BRINP3: variants seen among roughly 807,000 people sequenced by gnomAD.
The protein encoded by BRINP3 is BMP/retinoic acid inducible neural specific 3.
Under a neutral mutation model 71.0 loss-of-function variants are expected in BRINP3, and 19 were observed. That is an observed-to-expected ratio of 0.27 (90% confidence interval 0.19 to 0.39). The LOEUF (loss-of-function observed/expected upper bound fraction) is 0.39. Ranked by LOEUF, BRINP3 falls within the 10% of genes least tolerant of loss-of-function variation. BRINP3 has a pLI of 1.00. For missense variants in BRINP3, 959 were observed against 940.8 expected (o/e 1.02, Z -0.25); for synonymous variants, 380 against 337.7 (o/e 1.13, Z -1.37).
At chr1:190,159,682 G>A (rs147581689) in intron 7 of BRINP3, among the ~76,000 whole-genome samples, 1 of 152,114 alleles carries the variant, frequency 6.6e-6, no homozygotes, top group East Asian at 1.9e-4. Flanking sequence ...AACAGCCTTG[G>A]ACTGGGTGAA....
chr1:190,403,706 T>C (rs1448136949), intron 2 of BRINP3, among the ~76,000 whole-genome samples: 1 of 152,162 alleles, frequency 6.6e-6, no homozygotes, highest in Non-Finnish European at 1.5e-5. Context: ...AGCGACTTTG[T>C]AGATAAATTG....
At chr1:190,321,436 G>T (rs1282762563) in intron 2 of BRINP3, among the ~76,000 whole-genome samples, 2 of 152,064 alleles carry the variant, frequency 1.3e-5, no homozygotes, top group Non-Finnish European at 2.9e-5. Context: ...TTTTGAACAT[G>T]AAGTGAAAAT....
At chr1:190,301,192 TATATACACATAC>T (rs1246896887) in intron 2 of BRINP3, among the ~76,000 whole-genome samples, 1 of 60,394 alleles carries the variant, frequency 1.7e-5, no homozygotes, top group African/African-American at 4.5e-5. Context: ...TATATGTATA[TATATACACATAC>T]ATATATATAT....
chr1:190,409,909 A>T (rs2102403659), intron 2 of BRINP3, among the ~76,000 whole-genome samples: 1 of 152,268 alleles, frequency 6.6e-6, no homozygotes, highest in Non-Finnish European at 1.5e-5. Flanking sequence ...GGACAAAATC[A>T]CCTAAGGCAT....
intron 6 of BRINP3, among the ~76,000 whole-genome samples, chr1:190,199,501 G>C (rs1327581920): frequency 6.6e-6 from 1 of 152,052 alleles, no homozygotes; most frequent in Non-Finnish European, 1.5e-5. Context: ...CTAATGGTTA[G>C]TTTAGTATTA....
intron 4 of BRINP3, among the ~76,000 whole-genome samples, chr1:190,239,618 C>T (rs758503311): frequency 8.6e-5 from 13 of 151,904 alleles, no homozygotes; most frequent in Non-Finnish European, 2.9e-5. Context: ...TTATGTACTT[C>T]GCTGTATAAA....
intron 6 of BRINP3, among the ~76,000 whole-genome samples, chr1:190,170,291 G>T (rs981743375): frequency 6.6e-6 from 1 of 151,932 alleles, no homozygotes; most frequent in Non-Finnish European, 1.5e-5. Flanking sequence ...AAATATAAAA[G>T]GAAAGAATTT....
intron 7 of BRINP3, among the ~76,000 whole-genome samples, chr1:190,143,239 C>G (rs1016782474): frequency 3.3e-5 from 5 of 152,112 alleles, no homozygotes; most frequent in Admixed American, 6.6e-5. Context: ...AGTTAGATTA[C>G]CTCTACCACA....
At chr1:190,260,070 CAA>C (rs35994123) in intron 4 of BRINP3, among the ~76,000 whole-genome samples, 3 of 132,248 alleles carry the variant, frequency 2.3e-5, no homozygotes, top group Admixed American at 1.5e-4. Flanking sequence ...TTAAGAACCA[CAA>C]AAAAAAAAAA....
intron 4 of BRINP3, among the ~76,000 whole-genome samples, chr1:190,246,634 T>G (rs1322029329): frequency 6.6e-6 from 1 of 152,122 alleles, no homozygotes; most frequent in Non-Finnish European, 1.5e-5. Flanking sequence ...TTAATTTACT[T>G]AATATTATTG....
At chr1:190,317,065 G>T (rs569971942) in intron 2 of BRINP3, among the ~76,000 whole-genome samples, 1 of 151,196 alleles carries the variant, frequency 6.6e-6, no homozygotes, top group Non-Finnish European at 1.5e-5. Flanking sequence ...CCAGCTACTC[G>T]GGAGGCTGAG....
Position 190,200,853 on chromosome 1 carries a change from T to C in BRINP3, c.961+25229A>G, listed in dbSNP as rs768769202. Among the ~76,000 whole-genome samples the C allele has an allele frequency of 2.6e-5, 4 of 152,260 alleles. No individual in the cohort carries two copies. The Middle Eastern group carries it at 0.01, about 388-fold the overall frequency. On this transcript the variant is annotated intron_variant, in intron 6 of 7. Transcript: ENST00000367462. ...TAAGATGTGACTTGTTCTGCCATGA[T>C]TGTGAGGCCTCCCAACCCAGGTGGA... is the stretch of plus-strand genomic sequence containing the variant.
intron 2 of BRINP3, among the ~76,000 whole-genome samples, chr1:190,316,185 T>C (rs769052098): frequency 4.6e-5 from 7 of 152,036 alleles, no homozygotes; most frequent in East Asian, 3.9e-4. Context: ...CAAAAAAAGG[T>C]TGACTTTATT....
At chr1:190,358,273 C>T (rs1221690020) in intron 2 of BRINP3, among the ~76,000 whole-genome samples, 1 of 152,050 alleles carries the variant, frequency 6.6e-6, no homozygotes, top group Non-Finnish European at 1.5e-5. Context: ...TGACAAAGGG[C>T]TAATATCCAG....
intron 2 of BRINP3, among the ~76,000 whole-genome samples, chr1:190,328,657 C>T (rs1666763976): frequency 6.8e-6 from 1 of 147,180 alleles, no homozygotes; most frequent in South Asian, 2.2e-4. Flanking sequence ...ATGGGTGATT[C>T]ATCTCTAACT....
intron 1 of BRINP3, among the ~76,000 whole-genome samples, chr1:190,473,538 C>CCCTTTTTTTTTTTTTT (rs1677283886): frequency 8.2e-6 from 1 of 122,162 alleles, no homozygotes; most frequent in African/African-American, 2.8e-5. Flanking sequence ...AGTAATTTTT[C>CCCTTTTTTTTTTTTTT]TCTTTTTTTT....
intron 2 of BRINP3, among the ~76,000 whole-genome samples, chr1:190,336,872 CTCCT>C (rs1190506147): frequency 2.0e-4 from 28 of 138,006 alleles, no homozygotes; most frequent in African/African-American, 3.2e-4. Flanking sequence ...CCTTCCTTCC[CTCCT>C]TCCTTCCTTC....
In BRINP3 at chr1:190,337,216, C is replaced by T. The variant is rs545229837; in HGVS notation, c.237-55466G>A. Among the ~76,000 whole-genome samples the T allele has an allele frequency of 2.1e-4, 32 of 152,048 alleles. No homozygotes were observed. In the South Asian group the frequency reaches 6.0e-3, roughly 29 times the overall value. On this transcript the variant is annotated intron_variant, in intron 2 of 7. Transcript: ENST00000367462. Reference sequence around the variant, plus strand: ...CCCACTCCTACTCCCAGAAAAAAAACGGATGGAAACTGAGTAGTGTTTTCC... The same window carrying T: ...CCCACTCCTACTCCCAGAAAAAAAATGGATGGAAACTGAGTAGTGTTTTCC...
intron 7 of BRINP3, among the ~76,000 whole-genome samples, chr1:190,119,933 G>C (rs77393897): frequency 6.6e-6 from 1 of 152,180 alleles, no homozygotes; most frequent in Admixed American, 6.5e-5. Context: ...ACAGATCCTC[G>C]AAGAGCAGCT....
Sources: gnomAD v4.1 joint callset for allele counts (sites outside exome capture counted in the v4.1 genomes callset) on GRCh38, gnomAD v4.1.1 for gene constraint, MANE v1.5 for transcripts, NCBI Gene and HGNC (gene_info 2026-07-23, HGNC 2026-07-21) for gene names.